Variants in OTOGL observed in about 807,000 individuals in gnomAD.
The protein encoded by OTOGL is otogelin like, also known as otogelin-like protein.
Under a neutral mutation model 318.5 loss-of-function variants are expected in OTOGL, and 285 were observed. The ratio of observed to expected loss-of-function variants is 0.89; its 90% confidence interval spans 0.81 to 0.99. The LOEUF is 0.99. Among genes scored for constraint, OTOGL ranks in the 50% least tolerant of loss-of-function variants. OTOGL has a pLI of 0.00. For synonymous variants in OTOGL, 987 were observed against 936.5 expected, an observed-to-expected ratio of 1.05 and a Z score of -0.99; for missense variants, 2,899 against 2,845.6, an observed-to-expected ratio of 1.02 and a Z score of -0.43.
intron 37 of OTOGL, among the ~76,000 whole-genome samples, chr12:80,331,064 C>A (rs976901434): frequency 1.3e-5 from 2 of 152,158 alleles, no homozygotes; most frequent in Admixed American, 1.3e-4. Flanking sequence ...AATACAATCC[C>A]TATCAAAATC....
rs542008563 is a variant in OTOGL at position 80,158,017 on chromosome 12, G to A, written c.-19-51396G>A. On this transcript the variant is annotated intron_variant, in intron 1 of 58. Transcript: ENST00000547103. ...GTAATAATTTCTTCTTATATGGTGGGTTTAAATAAATATAAACTAAGTAGA... is the reference window on the plus strand; with the variant it reads ...GTAATAATTTCTTCTTATATGGTGGATTTAAATAAATATAAACTAAGTAGA... Among the ~76,000 whole-genome samples the A allele has an allele frequency of 5.3e-5, 8 of 151,994 alleles. No individual in the cohort carries two copies. In the South Asian group the frequency reaches 1.7e-3, roughly 32 times the overall value.
chr12:80,213,386 C>T (rs890575955), intron 4 of OTOGL, among the ~76,000 whole-genome samples: 41 of 152,282 alleles, frequency 2.7e-4, no homozygotes, highest in African/African-American at 9.1e-4. Context: ...TTCTTTACTG[C>T]AGGGTCTTTA....
intron 1 of OTOGL, among the ~76,000 whole-genome samples, chr12:80,160,941 T>C (rs111368598): frequency 0.025 from 3,783 of 152,174 alleles, 160 homozygotes; most frequent in African/African-American, 0.087. Context: ...GCAACGTGAA[T>C]GGAACTGGAG....
chr12:80,356,525 G>A lies in OTOGL; in HGVS notation c.5911+5G>A, dbSNP rs1003745365. 1.3e-6 allele frequency: 2 copies of A among 1,570,032 alleles called. No homozygotes were observed. Among genetic ancestry groups the A allele is most frequent in the African/African-American group, 2.7e-5 (2 of 73,256 alleles). ...GCTGTCCACAGTACAAATGTGGTAA[G>A]TAATCAATATAGAAAATTAAGAGTG... On this transcript the variant is annotated splice_donor_5th_base_variant and intron_variant, in intron 48 of 58. Coordinates refer to ENST00000547103, the MANE Select transcript of OTOGL (RefSeq NM_001378609.3).
chr12:80,220,512 A>G (rs954874171), intron 6 of OTOGL, among the ~76,000 whole-genome samples: 1 of 149,322 alleles, frequency 6.7e-6, no homozygotes, highest in Non-Finnish European at 1.5e-5. Context: ...GCTTTATAAA[A>G]CAGATTTATT....
chr12:80,135,264 C>T (rs1211156261), intron 1 of OTOGL, among the ~76,000 whole-genome samples: 7 of 122,506 alleles, frequency 5.7e-5, no homozygotes, highest in African/African-American at 1.8e-4. Flanking sequence ...CCTCCCCTCC[C>T]CTCCCCTCCC....
At chr12:80,356,246 A>G in intron 47 of OTOGL, 170 bp from the exon 48 acceptor site, 3 of 616,936 alleles carry the variant, frequency 4.9e-6, no homozygotes, top group Non-Finnish European at 5.7e-6. Flanking sequence ...ATTTTCATAT[A>G]TGGCCCACTT....
intron 26 of OTOGL, among the ~76,000 whole-genome samples, chr12:80,279,665 C>CACATTG (rs1384572899): frequency 6.6e-6 from 1 of 151,614 alleles, no homozygotes; most frequent in Non-Finnish European, 1.5e-5. Flanking sequence ...GTATATGTAC[C>CACATTG]ACATTTTCTT....
At chr12:80,106,065 G>A (rs1335787737) in intron 1 of OTOGL, among the ~76,000 whole-genome samples, 1 of 152,142 alleles carries the variant, frequency 6.6e-6, no homozygotes, top group South Asian at 2.1e-4. Flanking sequence ...AAGGATGAGT[G>A]GGCACAAATC....
At chr12:80,168,922 G>A (rs998272905) in intron 1 of OTOGL, among the ~76,000 whole-genome samples, 4 of 152,090 alleles carry the variant, frequency 2.6e-5, no homozygotes, top group Admixed American at 6.6e-5. Flanking sequence ...TTGCTTCTCC[G>A]TTATTTCCAT....
chr12:80,154,090 C>G (rs1323761318), intron 1 of OTOGL, among the ~76,000 whole-genome samples: 1 of 152,166 alleles, frequency 6.6e-6, no homozygotes, highest in Admixed American at 6.5e-5. Flanking sequence ...GGGTGGATCA[C>G]TTGAGGTCAG....
At chr12:80,120,353 T>A (rs1418599444) in intron 1 of OTOGL, among the ~76,000 whole-genome samples, 2 of 152,270 alleles carry the variant, frequency 1.3e-5, no homozygotes, top group East Asian at 3.9e-4. Flanking sequence ...CTGGGTTATT[T>A]TATTTAATAT....
At chr12:80,132,771 C>T (rs1191152171) in intron 1 of OTOGL, 1 of 152,198 alleles carries the variant, frequency 6.6e-6, no homozygotes, top group Non-Finnish European at 1.5e-5. Context: ...ACTTGGGCCA[C>T]AACACTTTTC....
intron 2 of OTOGL, 66 bp from the exon 3 acceptor site, chr12:80,210,781 A>G: frequency 8.9e-7 from 1 of 1,123,830 alleles, no homozygotes; most frequent in Non-Finnish European, 1.2e-6. Context: ...TCTTTTAAAC[A>G]ACTGGAACAT....
rs190447504 is a variant in OTOGL, at chr12:80,284,257, T to C, written c.2928+5091T>C. Among the ~76,000 whole-genome samples the C allele has an allele frequency of 3.3e-3, 498 of 152,312 alleles. 2 individuals are homozygous for C. The highest frequency in any genetic ancestry group is 0.013 in the Admixed American group (194 of 15,294). On this transcript the variant is annotated intron_variant, in intron 26 of 58. Transcript: ENST00000547103. ...TATCCGATGGTGTATATGTGCCACATTTTCCTTGTCCAGTCTGTCATTGAT... is the reference window on the plus strand; with the variant it reads ...TATCCGATGGTGTATATGTGCCACACTTTCCTTGTCCAGTCTGTCATTGAT...
intron 27 of OTOGL, among the ~76,000 whole-genome samples, chr12:80,298,198 C>A (rs1343719459): frequency 6.6e-6 from 1 of 152,168 alleles, no homozygotes; most frequent in Non-Finnish European, 1.5e-5. Context: ...AATAAGGATG[C>A]ACATGGTAAA....
intron 21 of OTOGL, 29 bp from the exon 22 acceptor site, chr12:80,267,224 C>T (rs1883047611): frequency 1.4e-6 from 2 of 1,412,774 alleles, no homozygotes; most frequent in African/African-American, 1.4e-5. Flanking sequence ...AAAATTGTAT[C>T]CTATTTACTT....
At chr12:80,186,980 C>T (rs950206238) in intron 1 of OTOGL, among the ~76,000 whole-genome samples, 1 of 152,118 alleles carries the variant, frequency 6.6e-6, no homozygotes, top group Non-Finnish European at 1.5e-5. Flanking sequence ...TATTATCTAG[C>T]TTCAAAGATT....
rs1886761358 is a variant in OTOGL at position 80,313,345 on chromosome 12, A to G, written c.3451-131A>G. The stretch of plus-strand genomic sequence containing the variant: ...TGGGCAATAAAGAGGCTTTAAATAA[A>G]GAGAACTCTCTAGGTGGCAGTGTTA... On this transcript the variant is annotated intron_variant, in intron 30 of 58. Coordinates refer to ENST00000547103, the MANE Select transcript of OTOGL (RefSeq NM_001378609.3). The G allele has an allele frequency of 3.8e-6, 3 of 779,828 alleles. No homozygotes were observed. The South Asian group carries it at 5.6e-5, about 14-fold the overall frequency. 48.3% of individuals were successfully genotyped at this position (779,828 alleles called of 1,614,324 possible). A position where few individuals can be genotyped will look rare whatever the true frequency, so the allele number is the denominator to read the frequency against.
Sources: allele counts gnomAD v4.1 joint callset (sites outside exome capture counted in the v4.1 genomes callset), GRCh38; gene constraint gnomAD v4.1.1; transcripts MANE v1.5; gene names NCBI Gene and HGNC (gene_info 2026-07-23, HGNC 2026-07-21).